SNRPB: variants seen among roughly 807,000 people sequenced by gnomAD.
The protein encoded by SNRPB is small nuclear ribonucleoprotein polypeptides B and B1.
Under a neutral mutation model 26.6 loss-of-function variants are expected in SNRPB, and 5 were observed. The observed-to-expected ratio is 0.19, with a 90% CI of 0.10 to 0.39. The LOEUF is 0.39. SNRPB is among the 10% of genes least tolerant of loss of function. The pLI is 1.00. For synonymous variants in SNRPB, 122 were observed against 105.8 expected (o/e 1.15, Z -0.94); for missense variants, 211 against 311.9 (o/e 0.68, Z 2.44).
chr20:2,462,684 T>C lies in SNRPB; in HGVS notation c.637A>G (p.Met213Val), dbSNP rs753446570. Residue 213 changes from methionine to valine, a missense_variant, in exon 6 of 7, where the codon ATG becomes GTG. By Grantham distance (21) the Met-to-Val change is conservative. Coordinates refer to ENST00000381342, the MANE Select transcript of SNRPB (RefSeq NM_003091.4). ...MGIPPGRGTP[M>V]GMPPPGMRPP... ...CGCATTCCCGGAGGGGGCATGCCCA[T>C]TGGAGTCCCTCTTCCAGGGGGGATC... is the stretch of plus-strand genomic sequence containing the variant. 2.1e-5 allele frequency: 33 copies of C among 1,608,238 alleles called. No individual in the cohort carries two copies. The highest frequency in any genetic ancestry group is 1.7e-4 in the Middle Eastern group (1 of 6,044).
At chr20:2,464,816 G>A (rs951322834) in intron 3 of SNRPB, among the ~76,000 whole-genome samples, 13 of 150,572 alleles carry the variant, frequency 8.6e-5, no homozygotes, top group African/African-American at 3.0e-4. Flanking sequence ...GTTGCAATAA[G>A]CCAAGATCGT....
chr20:2,463,638 G>C lies in SNRPB; in HGVS notation c.420+109C>G, dbSNP rs2085051104. The C allele has an allele frequency of 2.6e-6, 2 of 780,198 alleles. No individual in the cohort carries two copies. Among genetic ancestry groups the C allele is most frequent in the Non-Finnish European group, 4.2e-6 (2 of 473,752 alleles). The allele number at this position is 780,198 out of a possible 1,614,324, so 48.3% of individuals were successfully genotyped here. ...TATAAACCACAGTGAAACACTGATA[G>C]TCTGACAATCACAGGTTGGTCACTC... is the stretch of plus-strand genomic sequence containing the variant. On this transcript the variant is annotated intron_variant, in intron 4 of 6. Coordinates refer to ENST00000381342, the MANE Select transcript of SNRPB (RefSeq NM_003091.4). The surrounding 1 kb of genome is among the most constrained non-coding windows in gnomAD (Gnocchi z 5.0).
At chr20:2,468,594 A>G (rs1453331688) in intron 1 of SNRPB, among the ~76,000 whole-genome samples, 1 of 152,238 alleles carries the variant, frequency 6.6e-6, no homozygotes, top group African/African-American at 2.4e-5. Context: ...GTGAGCTCAG[A>G]CAACAAAGTT....
At chr20:2,467,841 T>C (rs1250996278) in intron 1 of SNRPB, 83 bp from the exon 2 acceptor site, 2 of 1,308,414 alleles carry the variant, frequency 1.5e-6, no homozygotes, top group East Asian at 2.3e-5. Flanking sequence ...TCCCATGGCG[T>C]TCTTGTCCAT....
intron 6 of SNRPB, 113 bp downstream of exon 6, chr20:2,462,523 T>C: frequency 4.1e-6 from 4 of 978,702 alleles, no homozygotes; most frequent in Non-Finnish European, 6.6e-6. Context: ...TGGATTTCCC[T>C]AGATTTAAGG....
At chr20:2,466,347 T>C (rs1443004040) in intron 2 of SNRPB, among the ~76,000 whole-genome samples, 1 of 152,074 alleles carries the variant, frequency 6.6e-6, no homozygotes, top group Non-Finnish European at 1.5e-5. Context: ...TACACAGAAA[T>C]TGAAATTTCA....
At chr20:2,465,591 A>G in intron 3 of SNRPB, 117 bp downstream of exon 3, 1 of 710,904 alleles carries the variant, frequency 1.4e-6, no homozygotes, top group Non-Finnish European at 2.4e-6. Flanking sequence ...TATTATCTGA[A>G]AAAGGGGGCA....
In SNRPB at chr20:2,463,203, T is replaced by A; in HGVS notation, c.445A>T (p.Thr149Ser). The change falls in exon 5 of 7, where the codon ACT becomes TCT. Residue 149 changes from threonine (T) to serine (S), a missense_variant. Thr to Ser is a moderately conservative substitution (Grantham distance 58). Transcript: ENST00000381342. The surrounding 1 kb of genome is among the most constrained non-coding windows in gnomAD (Gnocchi z 5.0). ...GCAGCAGCTGCAGCGGCTGCAACAG[T>A]ACCTCTTCCTTGTGGGGTCATCACC... The part of the protein sequence containing the change: ...QQVMTPQGRG[T>S]VAAAAAAATA... 8 of 1,612,744 alleles carry A rather than the reference T, an allele frequency of 5.0e-6. No homozygotes were observed. The highest frequency in any genetic ancestry group is 6.8e-6 in the Non-Finnish European group (8 of 1,178,884).
intron 1 of SNRPB, among the ~76,000 whole-genome samples, chr20:2,469,231 G>A (rs976224047): frequency 6.6e-6 from 1 of 152,164 alleles, no homozygotes; most frequent in African/African-American, 2.4e-5. Context: ...TTTCACAGCT[G>A]GGAAGCTGTG....
intron 3 of SNRPB, among the ~76,000 whole-genome samples, chr20:2,465,407 C>T (rs867024262): frequency 8.9e-3 from 1,114 of 124,624 alleles, no homozygotes; most frequent in African/African-American, 0.013. Context: ...TTTTTTTTGT[C>T]TTTTTTTTTT....
chr20:2,463,197 C>T lies in SNRPB; in HGVS notation c.451G>A (p.Ala151Thr). 1 of 1,613,122 alleles carries T rather than the reference C, an allele frequency of 6.2e-7. No homozygotes were observed. The highest frequency in any genetic ancestry group is 1.1e-5 in the South Asian group (1 of 91,078). Reference protein sequence around the residue: ...VMTPQGRGTVAAAAAAATASI... With the variant: ...VMTPQGRGTVTAAAAAATASI... Reference sequence around the variant, plus strand: ...GCTGTGGCAGCAGCTGCAGCGGCTGCAACAGTACCTCTTCCTTGTGGGGTC... The same window carrying T: ...GCTGTGGCAGCAGCTGCAGCGGCTGTAACAGTACCTCTTCCTTGTGGGGTC... Residue 151 changes from alanine (A) to threonine (T), a missense_variant, in exon 5 of 7, where the codon GCA becomes ACA. Transcript: ENST00000381342. The surrounding 1 kb of genome is among the most constrained non-coding windows in gnomAD (Gnocchi z 5.0).
intron 1 of SNRPB, among the ~76,000 whole-genome samples, chr20:2,468,691 C>T (rs1600002471): frequency 1.3e-5 from 2 of 152,162 alleles, no homozygotes; most frequent in African/African-American, 2.4e-5. Flanking sequence ...TTTGGGAGGC[C>T]GAGGTGGGCA....
At chr20:2,466,767 T>C (rs939751937) in intron 2 of SNRPB, among the ~76,000 whole-genome samples, 12 of 152,348 alleles carry the variant, frequency 7.9e-5, no homozygotes, top group African/African-American at 2.6e-4. Flanking sequence ...GAGGGAACTT[T>C]GGAGTAGCTC....
chr20:2,469,125 A>G (rs2085094810), intron 1 of SNRPB, among the ~76,000 whole-genome samples: 2 of 152,188 alleles, frequency 1.3e-5, no homozygotes, highest in Admixed American at 1.3e-4. Context: ...TGATAAGCAC[A>G]GTACATCTCA....
At chr20:2,469,607 C>T (rs2085099188) in intron 1 of SNRPB, among the ~76,000 whole-genome samples, 4 of 152,130 alleles carry the variant, frequency 2.6e-5, no homozygotes, top group Admixed American at 2.6e-4. Flanking sequence ...GCAGGAGAAT[C>T]GCTTGAACCC....
In SNRPB at chr20:2,465,136, C is replaced by T. The variant is rs144921561; in HGVS notation, c.267+572G>A. 1.2e-4 allele frequency among the ~76,000 whole-genome samples: 18 copies of T among 152,262 alleles called. No individual in the cohort carries two copies. The East Asian group carries it at 1.9e-3, about 16-fold the overall frequency. On this transcript the variant is annotated intron_variant, in intron 3 of 6. Transcript: ENST00000381342. ...TCAAATAAAATACTGAAGTGGTTGG[C>T]GCAAGGTAGATTCTCAGTAACTATG...
Position 2,464,875 on chromosome 20 carries a change from T to TAA in SNRPB, c.267+831_267+832dup, listed in dbSNP as rs776217943. ...CAGAGCGAGACTCCATCTAAAAATC[T>TAA]AAAAAAAAAAAAAAAAAAAACCCTT... is the stretch of plus-strand genomic sequence containing the variant. On this transcript the variant is annotated intron_variant, in intron 3 of 6. Coordinates refer to ENST00000381342, the MANE Select transcript of SNRPB (RefSeq NM_003091.4). 8.7e-3 allele frequency among the ~76,000 whole-genome samples: 350 copies of TAA among 40,106 alleles called. 2 individuals carry two copies. Among genetic ancestry groups the TAA allele is most frequent in the African/African-American group, 0.016 (323 of 20,126 alleles). 26.3% of individuals were successfully genotyped at this position (40,106 alleles called of 152,430 possible).
chr20:2,467,436 TGGA>T (rs2085081370), intron 2 of SNRPB, 168 bp downstream of exon 2: 1 of 664,026 alleles, frequency 1.5e-6, no homozygotes, highest in South Asian at 1.8e-5. Context: ...CAAGGTTTGC[TGGA>T]CTCAAAAAGA....
At position 2,470,774 on chromosome 20, in the gene SNRPB, C is replaced by T. The variant is rs2085109652; in HGVS notation, c.-84G>A. On this transcript the variant is annotated 5_prime_UTR_variant, in exon 1 of 7. Coordinates refer to ENST00000381342, the MANE Select transcript of SNRPB (RefSeq NM_003091.4). ...CTCTCCCACAGCCGATTTCCCGCCG[C>T]CGCTACCGGAAATGCAGCACCACGT... 6.5e-7 allele frequency: 1 copy of T among 1,546,772 alleles called. No individual in the cohort carries two copies. Among genetic ancestry groups the T allele is most frequent in the Non-Finnish European group, 8.9e-7 (1 of 1,124,158 alleles).
Sources: allele counts gnomAD v4.1 joint callset (sites outside exome capture counted in the v4.1 genomes callset), GRCh38; gene constraint gnomAD v4.1.1; non-coding constraint Gnocchi (gnomAD v3.1); transcripts MANE v1.5; gene names NCBI Gene and HGNC (gene_info 2026-07-23, HGNC 2026-07-21).